RERE: variants seen among roughly 807,000 people sequenced by gnomAD.
RERE encodes arginine-glutamic acid dipeptide repeats, also known as arginine-glutamic acid dipeptide repeats protein.
A neutral mutation model predicts 146.1 loss-of-function variants in RERE; 40 were observed. The observed-to-expected ratio is 0.27, with a 90% confidence interval of 0.21 to 0.36. The LOEUF is 0.36. Ranked by LOEUF, RERE falls within the 10% of genes least tolerant of loss-of-function variation. The probability of loss-of-function intolerance (pLI) is 1.00; values close to 1 mark genes in which losing one functional copy is unlikely to be tolerated. For synonymous variants in RERE, 1,003 were observed against 866.0 expected (o/e 1.16, Z -2.78); for missense variants, 1,933 against 2,138.7 (o/e 0.90, Z 1.90).
intron 1 of RERE, among the ~76,000 whole-genome samples, chr1:8,754,038 T>C (rs1640588994): frequency 6.6e-6 from 1 of 152,188 alleles, no homozygotes; most frequent in South Asian, 2.1e-4. Flanking sequence ...AAGCAGACCC[T>C]ACCTTCACCC....
intron 1 of RERE, among the ~76,000 whole-genome samples, chr1:8,753,000 G>A (rs748345613): frequency 1.2e-4 from 19 of 152,076 alleles, no homozygotes; most frequent in Non-Finnish European, 2.5e-4. Context: ...GCCTAAATGA[G>A]GAAGGATCAA....
At position 8,490,264 on chromosome 1, in the gene RERE, G is replaced by A. The variant is rs1254363717; in HGVS notation, c.1104+4799C>T. On this transcript the variant is annotated intron_variant, in intron 10 of 22. Transcript: ENST00000400908. Reference sequence around the variant, plus strand: ...TGTAGCTACTCAGGAGGCTGAGGCAGGAGAACTGCTTAAACCTGGGAGGAG... The same window carrying A: ...TGTAGCTACTCAGGAGGCTGAGGCAAGAGAACTGCTTAAACCTGGGAGGAG... Among the ~76,000 whole-genome samples the A allele has an allele frequency of 2.0e-5, 3 of 148,046 alleles. 1 individual carries two copies. The highest frequency in any genetic ancestry group is 7.9e-5 in the African/African-American group (3 of 38,198).
chr1:8,706,199 G>A (rs1183309219), intron 1 of RERE, among the ~76,000 whole-genome samples: 2 of 150,558 alleles, frequency 1.3e-5, no homozygotes, highest in Non-Finnish European at 3.0e-5. Context: ...CACGCCTGTA[G>A]TCCCAGCCGC....
intron 12 of RERE, among the ~76,000 whole-genome samples, chr1:8,375,979 T>TC (rs1191488009): frequency 2.0e-5 from 3 of 152,230 alleles, no homozygotes; most frequent in Non-Finnish European, 2.9e-5. Flanking sequence ...CTTCACAGAC[T>TC]CCCAAATAGA....
At chr1:8,382,225 G>C (rs564052856) in intron 12 of RERE, among the ~76,000 whole-genome samples, 4 of 152,352 alleles carry the variant, frequency 2.6e-5, no homozygotes, top group African/African-American at 9.6e-5. Flanking sequence ...AACAGAACAA[G>C]GACAGCCTGC....
At chr1:8,586,119 A>G (rs148801902) in intron 4 of RERE, among the ~76,000 whole-genome samples, 20 of 152,204 alleles carry the variant, frequency 1.3e-4, no homozygotes, top group African/African-American at 4.8e-4. Context: ...ATTGCAGTAG[A>G]TTATCTAGGT....
intron 12 of RERE, among the ~76,000 whole-genome samples, chr1:8,397,732 C>A (rs1643103577): frequency 6.6e-6 from 1 of 152,182 alleles, no homozygotes; most frequent in Admixed American, 6.5e-5. Context: ...CCCCCATATG[C>A]AGTAAGTTCC....
chr1:8,717,895 G>A (rs1639792955), intron 1 of RERE, among the ~76,000 whole-genome samples: 1 of 152,200 alleles, frequency 6.6e-6, no homozygotes, highest in Admixed American at 6.5e-5. Flanking sequence ...TCCAAGTGGT[G>A]ATTGAAGAGT....
chr1:8,712,826 A>G (rs1314721102), intron 1 of RERE, among the ~76,000 whole-genome samples: 2 of 152,078 alleles, frequency 1.3e-5, no homozygotes, highest in Non-Finnish European at 2.9e-5. Flanking sequence ...GGATGTAACC[A>G]CAGCTATATT....
chr1:8,757,903 C>T (rs983475018), intron 1 of RERE, among the ~76,000 whole-genome samples: 3 of 125,930 alleles, frequency 2.4e-5, no homozygotes, highest in Admixed American at 9.0e-5. Flanking sequence ...CACACACACA[C>T]ACATACATAC....
chr1:8,794,008 C>T (rs1182107708), intron 1 of RERE, among the ~76,000 whole-genome samples: 1 of 150,892 alleles, frequency 6.6e-6, no homozygotes, highest in Admixed American at 6.6e-5. Context: ...GTGGAGGTTG[C>T]AGTGAGCCAA....
intron 1 of RERE, among the ~76,000 whole-genome samples, chr1:8,793,715 T>A (rs1641411265): frequency 6.6e-6 from 1 of 152,192 alleles, no homozygotes; most frequent in South Asian, 2.1e-4. Context: ...TATTAACTGT[T>A]CTAATTACAA....
intron 2 of RERE, among the ~76,000 whole-genome samples, chr1:8,642,438 A>G (rs1647192706): frequency 6.6e-6 from 1 of 152,238 alleles, no homozygotes; most frequent in African/African-American, 2.4e-5. Flanking sequence ...CACAACACTG[A>G]AACATCTAAG....
chr1:8,726,147 C>CTTTTCTTTTTTTTTT (rs1639960710), intron 1 of RERE, among the ~76,000 whole-genome samples: 8 of 69,392 alleles, frequency 1.2e-4, no homozygotes, highest in African/African-American at 5.2e-4. Flanking sequence ...TTTTTCTTTT[C>CTTTTCTTTTTTTTTT]TTTTTTTTTT....
rs569909506 is a variant in RERE at position 8,438,490 on chromosome 1, A to G, written c.1204-15683T>C. On this transcript the variant is annotated intron_variant, in intron 11 of 22. Transcript: ENST00000400908. The stretch of plus-strand genomic sequence containing the variant: ...TTCACAGCAAAACGGAACAGAAGGT[A>G]TAGGGATTTCCCATATAGATGGGTC... 2.6e-5 allele frequency among the ~76,000 whole-genome samples: 4 copies of G among 152,350 alleles called. 1 individual carries two copies. In the South Asian group the frequency reaches 8.3e-4, roughly 32 times the overall value.
intron 10 of RERE, among the ~76,000 whole-genome samples, chr1:8,479,191 C>T (rs1291055145): frequency 6.6e-6 from 1 of 151,928 alleles, no homozygotes; most frequent in Non-Finnish European, 1.5e-5. Flanking sequence ...TTGAGACCAG[C>T]CTGGACAACA....
At chr1:8,769,189 T>TA (rs1269746443) in intron 1 of RERE, among the ~76,000 whole-genome samples, 1 of 152,074 alleles carries the variant, frequency 6.6e-6, no homozygotes, top group African/African-American at 2.4e-5. Context: ...GTAAAAGGAG[T>TA]AAAAGACTTT....
chr1:8,631,811 G>A (rs577275863), intron 2 of RERE, among the ~76,000 whole-genome samples: 1 of 152,276 alleles, frequency 6.6e-6, no homozygotes, highest in South Asian at 2.1e-4. Context: ...CTTATGTGCT[G>A]TAAGAGAATA....
intron 4 of RERE, among the ~76,000 whole-genome samples, chr1:8,602,320 GGT>G (rs1646642751): frequency 6.6e-6 from 1 of 151,734 alleles, no homozygotes; most frequent in Admixed American, 6.6e-5. Flanking sequence ...GAACCTGGGA[GGT>G]GAACGCTGCA....
Sources: gnomAD v4.1 joint callset for allele counts (sites outside exome capture counted in the v4.1 genomes callset) on GRCh38, gnomAD v4.1.1 for gene constraint, MANE v1.5 for transcripts, NCBI Gene and HGNC (gene_info 2026-07-23, HGNC 2026-07-21) for gene names.